The following KMT2A variants were observed in gnomAD, a reference collection of about 807,000 sequenced individuals.
The protein encoded by KMT2A is lysine methyltransferase 2A, also known as histone-lysine N-methyltransferase 2A.
A neutral mutation model predicts 345.3 loss-of-function variants in KMT2A; 16 were observed. That is an observed-to-expected ratio of 0.05 (90% CI 0.03 to 0.07). KMT2A has a LOEUF of 0.07. Among genes scored for constraint, KMT2A ranks in the 10% least tolerant of loss-of-function variants. The pLI is 1.00. For missense variants in KMT2A, 3,272 were observed against 4,841.6 expected (o/e 0.68, Z 9.62); for synonymous variants, 1,599 against 1,778.6 (o/e 0.90, Z 2.54).
Position 118,471,726 on chromosome 11 carries a change from C to T in KMT2A, c.567C>T (p.Ile189=), listed in dbSNP as rs1949945511. 5 of 1,606,786 alleles carry T rather than the reference C, an allele frequency of 3.1e-6. No individual in the cohort carries two copies. In the East Asian group the frequency reaches 8.9e-5, roughly 29 times the overall value. ...PRSGSDRNSA[I]LSDPSVFSPL... is the part of the protein sequence containing the mutation. ...GTGGCTCTGACCGAAATTCAGCTAT[C>T]CTCTCAGATCCATCTGTGTTTTCCC... The change falls in exon 3 of 36, where the codon ATC becomes ATT. Residue 189 remains isoleucine, a synonymous_variant. Coordinates refer to ENST00000534358, the MANE Select transcript of KMT2A (RefSeq NM_001197104.2).
chr11:118,438,899 T>C, intron 1 of KMT2A: 1 of 376,726 alleles, frequency 2.7e-6, no homozygotes. Flanking sequence ...CTCTTTCTGC[T>C]CTATCTCCAC....
Position 118,473,193 on chromosome 11 carries a change from G to A in KMT2A, c.2034G>A (p.Leu678=). The change falls in exon 3 of 36, where the codon TTG becomes TTA. Residue 678 remains leucine (L), a synonymous_variant. Transcript: ENST00000534358. The surrounding 1 kb of genome is among the most constrained non-coding windows in gnomAD (Gnocchi z 5.2). ...CTGGTACCGCTGCTTCAGCCCGATT[G>A]TTTTCGCCACTCCATTCTGGAACAA... ...SASGTAASAR[L]FSPLHSGTRF... 1 of 1,613,772 alleles carries A rather than the reference G, an allele frequency of 6.2e-7. No individual in the cohort carries two copies. The highest frequency in any genetic ancestry group is 8.5e-7 in the Non-Finnish European group (1 of 1,179,900).
intron 1 of KMT2A, among the ~76,000 whole-genome samples, chr11:118,454,841 A>T (rs1949610527): frequency 1.4e-5 from 2 of 146,232 alleles, no homozygotes; most frequent in South Asian, 2.2e-4. Context: ...AAAATGGTTA[A>T]TTTTTTTTTT....
chr11:118,478,962 T>C (rs1435962505), intron 5 of KMT2A, among the ~76,000 whole-genome samples: 1 of 152,198 alleles, frequency 6.6e-6, no homozygotes, highest in African/African-American at 2.4e-5. Context: ...TGTTTTAATT[T>C]TTATGGGTAC....
At position 118,498,120 on chromosome 11, in the gene KMT2A, T is replaced by A; in HGVS notation, c.5802+47T>A. ...TTATGAAAGAGATTCCCTCTCAGTTTCCAGATATTCTTCCTGTGGGTGAAT... is the reference window on the plus strand; with the variant it reads ...TTATGAAAGAGATTCCCTCTCAGTTACCAGATATTCTTCCTGTGGGTGAAT... On this transcript the variant is annotated intron_variant, in intron 21 of 35. Transcript: ENST00000534358. This position sits in a 1 kb window ranked among gnomAD's most constrained non-coding sequence, Gnocchi z 4.4. 6.3e-7 allele frequency: 1 copy of A among 1,598,780 alleles called. No individual in the cohort carries two copies. The highest frequency in any genetic ancestry group is 8.6e-7 in the Non-Finnish European group (1 of 1,168,500).
At chr11:118,509,339 A>G (rs1555049465) in intron 29 of KMT2A, 139 bp downstream of exon 29, 1 of 663,402 alleles carries the variant, frequency 1.5e-6, no homozygotes, top group South Asian at 2.0e-5. Context: ...TTTGGCCCAC[A>G]TTGGACTGAA....
chr11:118,520,080 G>A lies in KMT2A; in HGVS notation c.11429+16G>A, dbSNP rs1555053024. 12 of 1,557,216 alleles carry A rather than the reference G, an allele frequency of 7.7e-6. No homozygotes were observed. The East Asian group carries it at 2.5e-4, about 32-fold the overall frequency. On this transcript the variant is annotated intron_variant, in intron 33 of 35. Coordinates refer to ENST00000534358, the MANE Select transcript of KMT2A (RefSeq NM_001197104.2). This position sits in a 1 kb window ranked among gnomAD's most constrained non-coding sequence, Gnocchi z 4.3. Reference sequence around the variant, plus strand: ...AGTCAGCTCGGTAAGTCTTGAGTGGGGAGCAGTCATTAGAAACTGCTTTCC... The same window carrying A: ...AGTCAGCTCGGTAAGTCTTGAGTGGAGAGCAGTCATTAGAAACTGCTTTCC...
chr11:118,460,070 T>A (rs1949717476), intron 1 of KMT2A, among the ~76,000 whole-genome samples: 1 of 152,140 alleles, frequency 6.6e-6, no homozygotes, highest in South Asian at 2.1e-4. Flanking sequence ...CATTACAGTT[T>A]ATCAGTTGAA....
At chr11:118,480,697 C>T (rs1555038947) in intron 6 of KMT2A, among the ~76,000 whole-genome samples, 1 of 152,062 alleles carries the variant, frequency 6.6e-6, no homozygotes, top group African/African-American at 2.4e-5. Context: ...GAGTCTCACT[C>T]TGTCTTTCAG....
Position 118,484,084 on chromosome 11 carries a change from G to C in KMT2A, c.4087-99G>C. On this transcript the variant is annotated intron_variant, in intron 8 of 35. Transcript: ENST00000534358. This position sits in a 1 kb window ranked among gnomAD's most constrained non-coding sequence, Gnocchi z 4.1. ...GTTTATGTTGGAAACATGTTTTTTA[G>C]ATCTATTAATAAAATTTGTCATTTG... 1 of 1,144,710 alleles carries C rather than the reference G, an allele frequency of 8.7e-7. No homozygotes were observed. Among genetic ancestry groups the C allele is most frequent in the Non-Finnish European group, 1.3e-6 (1 of 798,152 alleles). The allele number at this position is 1,144,710 out of a possible 1,614,324, so 70.9% of individuals were successfully genotyped here. A position where few individuals can be genotyped will look rare whatever the true frequency, so the allele number is the denominator to read the frequency against.
At chr11:118,442,117 G>A (rs1949327252) in intron 1 of KMT2A, among the ~76,000 whole-genome samples, 1 of 152,176 alleles carries the variant, frequency 6.6e-6, no homozygotes, top group Non-Finnish European at 1.5e-5. Flanking sequence ...TTGGCACAGA[G>A]CTTCAGCTTC....
At chr11:118,486,357 C>T (rs1457092965) in intron 10 of KMT2A, among the ~76,000 whole-genome samples, 1 of 136,346 alleles carries the variant, frequency 7.3e-6, no homozygotes, top group Non-Finnish European at 1.5e-5. Flanking sequence ...TTATGGGTGA[C>T]CTTTATTTGT....
intron 1 of KMT2A, among the ~76,000 whole-genome samples, chr11:118,443,773 A>T (rs1555026468): frequency 6.6e-6 from 1 of 152,214 alleles, no homozygotes; most frequent in African/African-American, 2.4e-5. Context: ...CTTACCTTCA[A>T]TTATTGCTGC....
chr11:118,478,826 G>A (rs1565284623), intron 5 of KMT2A, among the ~76,000 whole-genome samples: 1 of 152,006 alleles, frequency 6.6e-6, no homozygotes, highest in Admixed American at 6.6e-5. Flanking sequence ...CATGATCATA[G>A]CTCACTGCCA....
chr11:118,509,244 T>G, intron 29 of KMT2A, 44 bp downstream of exon 29: 1 of 1,455,308 alleles, frequency 6.9e-7, no homozygotes, highest in Non-Finnish European at 9.6e-7. Context: ...ATATCAATGC[T>G]AAAAGGATTA....
chr11:118,491,366 T>C lies in KMT2A; in HGVS notation c.4819+48T>C. 6.3e-7 allele frequency: 1 copy of C among 1,577,702 alleles called. No homozygotes were observed. Among genetic ancestry groups the C allele is most frequent in the Non-Finnish European group, 8.6e-7 (1 of 1,156,710 alleles). ...TTTCTTCTTTCTAGGTACTACTACATTTATTAGCCTCTAGAGCACTTTAAA... is the reference window on the plus strand; with the variant it reads ...TTTCTTCTTTCTAGGTACTACTACACTTATTAGCCTCTAGAGCACTTTAAA... On this transcript the variant is annotated intron_variant, in intron 14 of 35. Transcript: ENST00000534358. This position sits in a 1 kb window ranked among gnomAD's most constrained non-coding sequence, Gnocchi z 4.2.
At chr11:118,513,333 T>A (rs1457569538) in intron 31 of KMT2A, among the ~76,000 whole-genome samples, 1 of 151,982 alleles carries the variant, frequency 6.6e-6, no homozygotes, top group Admixed American at 6.6e-5. Context: ...CTACCTCTCC[T>A]ACCTCCTTTC....
Position 118,519,986 on chromosome 11 carries a change from T to C in KMT2A, c.11351T>C (p.Leu3784Pro), listed in dbSNP as rs1565317268. Residue 3784 changes from leucine to proline, a missense_variant, in exon 33 of 36, where the codon CTG becomes CCG. By Grantham distance (98) the Leu-to-Pro change is moderately conservative. This residue lies in a region of KMT2A where 72 missense variants were observed against 135.6 expected (regional missense o/e 0.53). Coordinates refer to ENST00000534358, the MANE Select transcript of KMT2A (RefSeq NM_001197104.2). ...RKSAFDMFNF[L>P]ASKHRQPPEY... Reference sequence around the variant, plus strand: ...TCAGCATTTGACATGTTTAACTTCCTGGCTTCTAAACATCGTCAGCCTCCT... The same window carrying C: ...TCAGCATTTGACATGTTTAACTTCCCGGCTTCTAAACATCGTCAGCCTCCT... 1 of 1,614,160 alleles carries C rather than the reference T, an allele frequency of 6.2e-7. No individual in the cohort carries two copies. The highest frequency in any genetic ancestry group is 1.3e-5 in the African/African-American group (1 of 75,056).
chr11:118,481,301 G>A (rs781805421), intron 6 of KMT2A, among the ~76,000 whole-genome samples: 16 of 151,912 alleles, frequency 1.1e-4, no homozygotes, highest in Non-Finnish European at 2.2e-4. Flanking sequence ...ATCTCCATAA[G>A]TTCAATTGTT....
Sources: gnomAD v4.1 joint callset for allele counts (sites outside exome capture counted in the v4.1 genomes callset) on GRCh38, gnomAD v4.1.1 for gene constraint, gnomAD v4.1.1 regional missense constraint, Gnocchi (gnomAD v3.1) non-coding constraint, MANE v1.5 for transcripts, NCBI Gene and HGNC (gene_info 2026-07-23, HGNC 2026-07-21) for gene names.